Variants in CDC34 observed in about 807,000 individuals in gnomAD.
CDC34 encodes ubiquitin-conjugating enzyme E2 R1.
A neutral mutation model predicts 26.8 loss-of-function variants in CDC34; 18 were observed. The observed-to-expected ratio is 0.67, with a 90% CI of 0.47 to 1.00. The LOEUF (loss-of-function observed/expected upper bound fraction) is 1.00. CDC34 is among the 50% of genes least tolerant of loss of function. CDC34 has a pLI of 0.00. For synonymous variants in CDC34, 178 were observed against 147.5 expected (o/e 1.21, Z -1.50); for missense variants, 280 against 334.5 (o/e 0.84, Z 1.27).
At chr19:533,251 G>C (rs1159960298) in intron 1 of CDC34, among the ~76,000 whole-genome samples, 4 of 152,306 alleles carry the variant, frequency 2.6e-5, no homozygotes, top group Admixed American at 2.0e-4. Flanking sequence ...GTCACTTCCT[G>C]CCAAGAGCCT....
chr19:538,441 C>T (rs1009164760), intron 4 of CDC34, among the ~76,000 whole-genome samples: 3 of 152,200 alleles, frequency 2.0e-5, no homozygotes, highest in Non-Finnish European at 4.4e-5. Context: ...TGTGTAAACA[C>T]GTGCGTGTCT....
At chr19:536,658 C>T in intron 3 of CDC34, 1 of 536,558 alleles carries the variant, frequency 1.9e-6, no homozygotes, top group African/African-American at 1.9e-5. Flanking sequence ...CTGGGTTGGT[C>T]ACCTCGTGCC....
intron 2 of CDC34, 82 bp from the exon 3 acceptor site, chr19:536,161 A>C (rs957108894): frequency 2.2e-5 from 26 of 1,176,182 alleles, no homozygotes; most frequent in Non-Finnish European, 3.2e-5. Flanking sequence ...CTCGTCCTCC[A>C]CGTCCTCATC....
chr19:541,237 A>T, intron 4 of CDC34, 102 bp from the exon 5 acceptor site: 1 of 1,405,734 alleles, frequency 7.1e-7, no homozygotes, highest in African/African-American at 1.5e-5. Context: ...GTTTTAAGAG[A>T]AACCTGAGCG....
chr19:537,156 G>C lies in CDC34; in HGVS notation c.497+9G>C, dbSNP rs371692795. ...TACACAGACATCATCCGGTGAGGGC[G>C]GGCGGGGGCGTCACGGGAGGAGAGA... On this transcript the variant is annotated intron_variant, in intron 4 of 4. Transcript: ENST00000215574. 2 of 1,612,428 alleles carry C rather than the reference G, an allele frequency of 1.2e-6. No individual in the cohort carries two copies. The highest frequency in any genetic ancestry group is 1.7e-5 in the Admixed American group (1 of 60,010).
At chr19:538,125 G>C (rs1008069736) in intron 4 of CDC34, among the ~76,000 whole-genome samples, 2 of 151,982 alleles carry the variant, frequency 1.3e-5, no homozygotes, top group African/African-American at 4.8e-5. Context: ...CCCAGTGACT[G>C]ACTGTTAGGG....
chr19:531,896 C>T lies in CDC34; in HGVS notation c.-36C>T. On this transcript the variant is annotated 5_prime_UTR_variant, in exon 1 of 5. Coordinates refer to ENST00000215574, the MANE Select transcript of CDC34 (RefSeq NM_004359.2). ...CGAACTCGCGGTGGTCGCGCGGCCC[C>T]GCGCTGCTCCGACCCCGGGCCCCTC... The T allele has an allele frequency of 7.6e-7, 1 of 1,317,390 alleles. No individual in the cohort carries two copies. The highest frequency in any genetic ancestry group is 9.7e-7 in the Non-Finnish European group (1 of 1,035,128). 81.6% of individuals were successfully genotyped at this position (1,317,390 alleles called of 1,614,324 possible).
At chr19:538,119 G>GT (rs1192305647) in intron 4 of CDC34, among the ~76,000 whole-genome samples, 1 of 151,986 alleles carries the variant, frequency 6.6e-6, no homozygotes, top group African/African-American at 2.4e-5. Flanking sequence ...TGTGTGCCCA[G>GT]TGACTGACTG....
chr19:532,573 C>T (rs959998528), intron 1 of CDC34, among the ~76,000 whole-genome samples: 11 of 152,344 alleles, frequency 7.2e-5, no homozygotes, highest in African/African-American at 2.6e-4. Context: ...AGAGGCCCCC[C>T]CAGACCCCGT....
chr19:535,597 C>T (rs577638325), intron 1 of CDC34, among the ~76,000 whole-genome samples: 2 of 152,352 alleles, frequency 1.3e-5, no homozygotes, highest in East Asian at 3.9e-4. Context: ...GGGCCGGGTC[C>T]CGGCCACCTG....
At chr19:536,404 C>T (rs1979754107) in intron 3 of CDC34, 64 bp downstream of exon 3, 1 of 1,241,762 alleles carries the variant, frequency 8.1e-7, no homozygotes. Flanking sequence ...CGTCCCGTAT[C>T]CACCCAGACC....
chr19:537,111 G>A lies in CDC34; in HGVS notation c.461G>A (p.Ser154Asn). 6.2e-7 allele frequency: 1 copy of A among 1,613,788 alleles called. No homozygotes were observed. Among genetic ancestry groups the A allele is most frequent in the Non-Finnish European group, 8.5e-7 (1 of 1,179,980 alleles). ...ASVMYRKWKE[S>N]KGKDREYTDI... ...GTGATGTACAGGAAGTGGAAAGAGA[G>A]CAAGGGGAAGGATCGGGAGTACACA... Residue 154 changes from serine (S) to asparagine (N), a missense_variant, in exon 4 of 5, where the codon AGC becomes AAC. Transcript: ENST00000215574.
At chr19:535,277 C>T (rs547222172) in intron 1 of CDC34, among the ~76,000 whole-genome samples, 2 of 152,376 alleles carry the variant, frequency 1.3e-5, no homozygotes, top group African/African-American at 4.8e-5. Flanking sequence ...CCCCCAAGAC[C>T]GGACACCTGA....
chr19:536,752 G>A lies in CDC34; in HGVS notation c.363-261G>A, dbSNP rs184317422. On this transcript the variant is annotated intron_variant, in intron 3 of 4. Coordinates refer to ENST00000215574, the MANE Select transcript of CDC34 (RefSeq NM_004359.2). The stretch of plus-strand genomic sequence containing the variant: ...TCCTGGAGTGTAGTCTAGGCAGGAC[G>A]TGCGGGTGTGAGGGCAGCCCCGGGT... The A allele has an allele frequency of 3.6e-4, 200 of 562,188 alleles. 1 individual carries two copies. The highest frequency in any genetic ancestry group is 3.5e-3 in the African/African-American group (186 of 53,274). The allele number at this position is 562,188 out of a possible 1,614,324, so 34.8% of individuals were successfully genotyped here.
chr19:538,767 C>A (rs561497941), intron 4 of CDC34: 3 of 985,378 alleles, frequency 3.0e-6, no homozygotes, highest in Non-Finnish European at 3.6e-6. Flanking sequence ...TGGTGCTGGG[C>A]GGTCTCGGCT....
At position 541,867 on chromosome 19, in the gene CDC34, C is replaced by A; in HGVS notation, c.*315C>A. ...CCCCCAGCTTCCGGACTGGCCGCAC[C>A]CCGGAGGAGCCACGGGGGCGCTGCT... On this transcript the variant is annotated 3_prime_UTR_variant, in exon 5 of 5. Coordinates refer to ENST00000215574, the MANE Select transcript of CDC34 (RefSeq NM_004359.2). The A allele has an allele frequency of 4.7e-6, 1 of 210,678 alleles. No homozygotes were observed. The highest frequency in any genetic ancestry group is 2.3e-5 in the African/African-American group (1 of 43,684). 13.1% of individuals were successfully genotyped at this position (210,678 alleles called of 1,614,324 possible).
chr19:536,178 G>T, intron 2 of CDC34, 65 bp from the exon 3 acceptor site: 1 of 1,328,572 alleles, frequency 7.5e-7, no homozygotes, highest in Non-Finnish European at 1.1e-6. Context: ...CATCCTCCGG[G>T]ACCTGGGGCA....
chr19:541,112 C>T (rs926759185), intron 4 of CDC34: 34 of 545,474 alleles, frequency 6.2e-5, no homozygotes, highest in Middle Eastern at 5.0e-4. Flanking sequence ...GACTGCACTG[C>T]GCCCGTCCAG....
At chr19:539,753 G>T (rs16990622) in intron 4 of CDC34, among the ~76,000 whole-genome samples, 9 of 152,178 alleles carry the variant, frequency 5.9e-5, no homozygotes, top group Non-Finnish European at 8.8e-5. Flanking sequence ...TCAGCGTGCC[G>T]CCTGGCCCTG....
Sources: allele counts gnomAD v4.1 joint callset (sites outside exome capture counted in the v4.1 genomes callset), GRCh38; gene constraint gnomAD v4.1.1; transcripts MANE v1.5; gene names NCBI Gene and HGNC (gene_info 2026-07-23, HGNC 2026-07-21).